ANKS1B: variants seen among roughly 807,000 people sequenced by gnomAD.
ANKS1B encodes the protein ankyrin repeat and sterile alpha motif domain containing 1B.
ANKS1B carries 36 observed loss-of-function variants against 148.3 expected under a neutral mutation model. The ratio of observed to expected loss-of-function variants is 0.24; its 90% confidence interval spans 0.19 to 0.32. ANKS1B has a LOEUF of 0.32. Ranked by LOEUF, ANKS1B falls within the 10% of genes least tolerant of loss-of-function variation. The pLI is 1.00. For synonymous variants in ANKS1B, 542 were observed against 560.8 expected, an observed-to-expected ratio of 0.97 and a Z score of 0.47; for missense variants, 1,157 against 1,542.6, an observed-to-expected ratio of 0.75 and a Z score of 4.19.
chr12:98,836,030 T>C (rs1007945413), intron 17 of ANKS1B, among the ~76,000 whole-genome samples: 1 of 152,304 alleles, frequency 6.6e-6, no homozygotes, highest in Middle Eastern at 3.4e-3. Flanking sequence ...GATTATGAAA[T>C]GCTAAGTAAC....
chr12:98,915,334 T>G (rs1426826094), intron 17 of ANKS1B, among the ~76,000 whole-genome samples: 1 of 150,454 alleles, frequency 6.6e-6, no homozygotes, highest in African/African-American at 2.5e-5. Context: ...CTTCTAAGAC[T>G]TCTAGCCTCC....
intron 8 of ANKS1B, among the ~76,000 whole-genome samples, chr12:99,766,521 C>T (rs1023078659): frequency 2.6e-5 from 4 of 152,052 alleles, no homozygotes; most frequent in Non-Finnish European, 4.4e-5. Context: ...ACAGTACATA[C>T]GTGTGGTTAA....
chr12:98,874,474 G>C (rs1455209713), intron 17 of ANKS1B, among the ~76,000 whole-genome samples: 1 of 152,180 alleles, frequency 6.6e-6, no homozygotes, highest in Non-Finnish European at 1.5e-5. Flanking sequence ...AACATGAACT[G>C]AGGAGATAAT....
At chr12:99,422,907 G>A (rs982458864) in intron 11 of ANKS1B, among the ~76,000 whole-genome samples, 1 of 152,196 alleles carries the variant, frequency 6.6e-6, no homozygotes, top group Non-Finnish European at 1.5e-5. Context: ...TGTGTGAAAA[G>A]TTTGATGTTT....
intron 12 of ANKS1B, among the ~76,000 whole-genome samples, chr12:99,260,113 TGTTG>T (rs1302186652): frequency 6.6e-5 from 10 of 152,106 alleles, no homozygotes; most frequent in African/African-American, 2.4e-4. Context: ...TTTTCAAGAG[TGTTG>T]GTCCTTTGGT....
intron 17 of ANKS1B, among the ~76,000 whole-genome samples, chr12:98,860,049 G>A (rs2099590839): frequency 6.6e-6 from 1 of 152,240 alleles, no homozygotes; most frequent in Non-Finnish European, 1.5e-5. Context: ...CTTACCATAT[G>A]TTTCACATAG....
chr12:99,241,297 G>C (rs894183271), intron 14 of ANKS1B, among the ~76,000 whole-genome samples: 2 of 152,140 alleles, frequency 1.3e-5, no homozygotes, highest in Non-Finnish European at 2.9e-5. Flanking sequence ...AGAAAATCTA[G>C]AAGAAATGGG....
At chr12:98,817,909 A>G (rs1422309569) in intron 19 of ANKS1B, among the ~76,000 whole-genome samples, 1 of 152,050 alleles carries the variant, frequency 6.6e-6, no homozygotes, top group African/African-American at 2.4e-5. Context: ...ACCTGCTGGG[A>G]AGGAAAAGCC....
At chr12:99,825,908 G>A (rs1033999138) in intron 1 of ANKS1B, among the ~76,000 whole-genome samples, 2 of 152,102 alleles carry the variant, frequency 1.3e-5, no homozygotes, top group Admixed American at 1.3e-4. Flanking sequence ...AAATAAAATT[G>A]AAGATTTGGA....
intron 11 of ANKS1B, among the ~76,000 whole-genome samples, chr12:99,405,958 T>C (rs919229243): frequency 6.9e-6 from 1 of 145,236 alleles, no homozygotes; most frequent in African/African-American, 2.6e-5. Context: ...TACATAATGA[T>C]AAAGGGTGAA....
At chr12:98,955,483 C>G (rs758761701) in intron 17 of ANKS1B, among the ~76,000 whole-genome samples, 7 of 151,954 alleles carry the variant, frequency 4.6e-5, no homozygotes, top group Non-Finnish European at 8.8e-5. Flanking sequence ...TTGAGAAAAG[C>G]CAGAAGGGGG....
At chr12:99,270,045 TAACA>T (rs539699495) in intron 12 of ANKS1B, among the ~76,000 whole-genome samples, 141 of 152,256 alleles carry the variant, frequency 9.3e-4, no homozygotes, top group South Asian at 3.9e-3. Context: ...TTAAAAAATT[TAACA>T]AACAGAGTCC....
chr12:99,635,657 TA>T (rs930704579), intron 9 of ANKS1B, among the ~76,000 whole-genome samples: 1 of 152,064 alleles, frequency 6.6e-6, no homozygotes, highest in South Asian at 2.1e-4. Context: ...ATTTCCATAA[TA>T]AAAAAACTTT....
intron 20 of ANKS1B, among the ~76,000 whole-genome samples, chr12:98,804,996 G>A (rs1385751720): frequency 1.3e-5 from 2 of 152,056 alleles, no homozygotes; most frequent in Non-Finnish European, 2.9e-5. Context: ...AGCTAACAAC[G>A]CAATATTTCA....
intron 1 of ANKS1B, among the ~76,000 whole-genome samples, chr12:99,982,435 T>C (rs560811500): frequency 2.0e-5 from 3 of 152,196 alleles, no homozygotes; most frequent in Admixed American, 1.3e-4. Context: ...TTTATCACAA[T>C]AAAATTAAGT....
At chr12:99,528,432 C>CAAAAAAA (rs537716638) in intron 9 of ANKS1B, among the ~76,000 whole-genome samples, 2 of 96,712 alleles carry the variant, frequency 2.1e-5, no homozygotes, top group Non-Finnish European at 4.4e-5. Context: ...AAAACAAAAA[C>CAAAAAAA]AAAAAAAAAA....
At chr12:99,316,625 T>C (rs918371050) in intron 12 of ANKS1B, among the ~76,000 whole-genome samples, 4 of 152,020 alleles carry the variant, frequency 2.6e-5, no homozygotes, top group Admixed American at 6.6e-5. Context: ...AGGTTTCCTG[T>C]TCACTCTGAT....
chr12:99,177,723 G>A (rs1168627844), intron 14 of ANKS1B, among the ~76,000 whole-genome samples: 1 of 152,232 alleles, frequency 6.6e-6, no homozygotes, highest in African/African-American at 2.4e-5. Context: ...TGGCAATAAT[G>A]CCAAAACAGT....
intron 12 of ANKS1B, among the ~76,000 whole-genome samples, chr12:99,392,285 T>C (rs185045575): frequency 1.3e-5 from 2 of 152,368 alleles, no homozygotes; most frequent in Non-Finnish European, 2.9e-5. Context: ...AGGCCTTCAT[T>C]TGCCTTTCTG....
Sources: allele counts gnomAD v4.1 joint callset (sites outside exome capture counted in the v4.1 genomes callset), GRCh38; gene constraint gnomAD v4.1.1; transcripts MANE v1.5; gene names NCBI Gene and HGNC (gene_info 2026-07-23, HGNC 2026-07-21).